CEP112: variants seen among roughly 807,000 people sequenced by gnomAD.
CEP112 encodes the protein centrosomal protein 112, also known as centrosomal protein of 112 kDa.
Under a neutral mutation model 153.0 loss-of-function variants are expected in CEP112, and 127 were observed. The ratio of observed to expected loss-of-function variants is 0.83; its 90% CI spans 0.72 to 0.96. CEP112 has a LOEUF of 0.96. Ranked by LOEUF, CEP112 falls within the 40% of genes least tolerant of loss-of-function variation. The pLI is 0.00. For missense variants in CEP112, 1,089 were observed against 1,101.2 expected (o/e 0.99, Z 0.16); for synonymous variants, 358 against 374.4 (o/e 0.96, Z 0.51).
At chr17:65,894,478 G>A (rs545080716) in intron 20 of CEP112, among the ~76,000 whole-genome samples, 2 of 152,076 alleles carry the variant, frequency 1.3e-5, no homozygotes, top group Admixed American at 1.3e-4. Context: ...TCATGCAATA[G>A]GATCCTCATT....
At chr17:66,166,392 A>G (rs1189205275) in intron 4 of CEP112, among the ~76,000 whole-genome samples, 1 of 152,162 alleles carries the variant, frequency 6.6e-6, no homozygotes, top group Non-Finnish European at 1.5e-5. Context: ...ATTTTTTTAC[A>G]TCTTTCCCTA....
chr17:65,650,291 T>C (rs571416377), intron 24 of CEP112, among the ~76,000 whole-genome samples: 6 of 152,134 alleles, frequency 3.9e-5, no homozygotes, highest in Non-Finnish European at 8.8e-5. Flanking sequence ...TGGCCAGACC[T>C]TCATGATGAG....
intron 20 of CEP112, among the ~76,000 whole-genome samples, chr17:65,888,112 A>G (rs531967978): frequency 2.0e-5 from 3 of 152,218 alleles, no homozygotes; most frequent in East Asian, 3.9e-4. Context: ...CAGTCTTTCC[A>G]TACATCAGAA....
At chr17:65,938,428 A>G (rs1349388144) in intron 18 of CEP112, among the ~76,000 whole-genome samples, 8 of 141,490 alleles carry the variant, frequency 5.7e-5, no homozygotes, top group East Asian at 4.1e-4. Context: ...AAAAAAAAAA[A>G]AAAAGAAAGA....
chr17:66,183,954 A>C (rs894786138), intron 1 of CEP112, among the ~76,000 whole-genome samples: 2 of 152,130 alleles, frequency 1.3e-5, no homozygotes, highest in Non-Finnish European at 2.9e-5. Context: ...CACTATCCAC[A>C]AAAGGAAAAA....
intron 21 of CEP112, among the ~76,000 whole-genome samples, chr17:65,767,159 TAAG>T (rs1201106120): frequency 2.0e-5 from 3 of 152,064 alleles, no homozygotes; most frequent in African/African-American, 7.2e-5. Context: ...GTCTTAAATT[TAAG>T]AAGATCAAAA....
At position 65,891,446 on chromosome 17, in the gene CEP112, C is replaced by T. The variant is rs189859162; in HGVS notation, c.2163+10706G>A. On this transcript the variant is annotated intron_variant, in intron 20 of 26. Transcript: ENST00000535342. ...ACCTCTTGCTTTTGCTTCTGTTCCC[C>T]GGCAATCTTCCTCGTATTTGACACC... Among the ~76,000 whole-genome samples the T allele has an allele frequency of 5.9e-5, 9 of 152,226 alleles. No homozygotes were observed. In the East Asian group the frequency reaches 1.7e-3, roughly 29 times the overall value.
At chr17:66,152,291 A>G (rs2071244557) in intron 4 of CEP112, among the ~76,000 whole-genome samples, 2 of 152,198 alleles carry the variant, frequency 1.3e-5, no homozygotes, top group South Asian at 2.1e-4. Flanking sequence ...TCCTTTTTAC[A>G]TAGAGATAGA....
rs576020247 is a variant in CEP112 at position 65,862,846 on chromosome 17, G to A, written c.2164-10812C>T. On this transcript the variant is annotated intron_variant, in intron 20 of 26. Coordinates refer to ENST00000535342, the MANE Select transcript of CEP112 (RefSeq NM_001199165.4). ...TGTAAGAGTGCTACTATTTATTATG[G>A]AAATGCACATAGCCCAACAATTTTG... 2.3e-3 allele frequency among the ~76,000 whole-genome samples: 357 copies of A among 152,154 alleles called. 4 individuals carry two copies. The highest frequency in any genetic ancestry group is 7.9e-4 in the Non-Finnish European group (54 of 67,994).
intron 19 of CEP112, among the ~76,000 whole-genome samples, chr17:65,906,379 G>T (rs2060082637): frequency 6.6e-6 from 1 of 151,938 alleles, no homozygotes; most frequent in South Asian, 2.1e-4. Context: ...TAACAAATCT[G>T]CAGGTTCTGC....
chr17:65,727,317 T>A (rs2050237467), intron 23 of CEP112, among the ~76,000 whole-genome samples: 1 of 152,218 alleles, frequency 6.6e-6, no homozygotes, highest in Non-Finnish European at 1.5e-5. Context: ...TGTTCTTTGC[T>A]CTTTTTGTCC....
At chr17:65,681,189 T>G (rs2047506215) in intron 24 of CEP112, among the ~76,000 whole-genome samples, 2 of 152,160 alleles carry the variant, frequency 1.3e-5, no homozygotes, top group Admixed American at 1.3e-4. Flanking sequence ...AGATGACAGA[T>G]CGGGTCCTTA....
At chr17:66,015,344 T>C (rs1468638220) in intron 16 of CEP112, among the ~76,000 whole-genome samples, 1 of 151,926 alleles carries the variant, frequency 6.6e-6, no homozygotes, top group Non-Finnish European at 1.5e-5. Flanking sequence ...TTCATCTCTA[T>C]TTTAATTTTG....
At chr17:65,946,962 ATCT>A (rs1389069117) in intron 18 of CEP112, among the ~76,000 whole-genome samples, 1 of 152,152 alleles carries the variant, frequency 6.6e-6, no homozygotes, top group Non-Finnish European at 1.5e-5. Context: ...TATAAATGGC[ATCT>A]TCTTCAAGTT....
At chr17:65,644,550 C>T (rs2045332010) in intron 24 of CEP112, 2 of 216,308 alleles carry the variant, frequency 9.2e-6, no homozygotes, top group South Asian at 1.9e-4. Flanking sequence ...AAGGTCAAAA[C>T]TTTTTCTGAT....
At chr17:65,644,572 G>T in intron 24 of CEP112, 1 of 171,958 alleles carries the variant, frequency 5.8e-6, no homozygotes. Context: ...TCTATAAGGA[G>T]CTCATGGGCA....
intron 16 of CEP112, among the ~76,000 whole-genome samples, chr17:66,006,861 A>T (rs1207643193): frequency 1.3e-5 from 2 of 152,204 alleles, no homozygotes; most frequent in Admixed American, 1.3e-4. Context: ...TAAGCAAGGT[A>T]AGGCTGAAAG....
intron 23 of CEP112, among the ~76,000 whole-genome samples, chr17:65,708,299 A>G (rs2049012942): frequency 6.6e-6 from 1 of 152,204 alleles, no homozygotes; most frequent in Admixed American, 6.5e-5. Flanking sequence ...TGCTAAGTCC[A>G]TTTGATCTCC....
At chr17:66,188,748 A>G (rs917295627) in intron 1 of CEP112, among the ~76,000 whole-genome samples, 1 of 152,174 alleles carries the variant, frequency 6.6e-6, no homozygotes, top group African/African-American at 2.4e-5. Context: ...TTTTACATGT[A>G]TACAATATAT....
Sources: gnomAD v4.1 joint callset for allele counts (sites outside exome capture counted in the v4.1 genomes callset) on GRCh38, gnomAD v4.1.1 for gene constraint, MANE v1.5 for transcripts, NCBI Gene and HGNC (gene_info 2026-07-23, HGNC 2026-07-21) for gene names.